The following HERC3 variants were observed in gnomAD, a reference collection of about 807,000 sequenced individuals.
HERC3 encodes HECT and RLD domain containing E3 ubiquitin protein ligase 3.
In HERC3, 58 loss-of-function variants were observed where a neutral mutation model predicts 129.9. The ratio of observed to expected loss-of-function variants is 0.45; its 90% CI spans 0.36 to 0.56. The LOEUF (loss-of-function observed/expected upper bound fraction) is 0.56. Among genes scored for constraint, HERC3 ranks in the 20% least tolerant of loss-of-function variants. The pLI is 0.00. For synonymous variants in HERC3, 430 were observed against 451.0 expected (o/e 0.95, Z 0.59); for missense variants, 835 against 1,244.2 (o/e 0.67, Z 4.95).
At chr4:88,595,942 G>T (rs892101872) in intron 2 of HERC3, among the ~76,000 whole-genome samples, 2 of 144,720 alleles carry the variant, frequency 1.4e-5, no homozygotes, top group Non-Finnish European at 3.0e-5. Flanking sequence ...TCCGCCCCCC[G>T]GGGTTCATGC....
At chr4:88,648,456 C>T (rs1728927216) in intron 3 of HERC3, among the ~76,000 whole-genome samples, 1 of 152,182 alleles carries the variant, frequency 6.6e-6, no homozygotes, top group Non-Finnish European at 1.5e-5. Flanking sequence ...TCATTCACAG[C>T]TGGTGTATGG....
chr4:88,560,151 G>A, the HERC3 span, among the ~76,000 whole-genome samples: 1 of 151,920 alleles, frequency 6.6e-6, no homozygotes, highest in Admixed American at 6.6e-5. Flanking sequence ...GCAGAGATGG[G>A]GTTTCACCAT....
At chr4:88,547,401 T>A in the HERC3 span, among the ~76,000 whole-genome samples, 41 of 152,320 alleles carry the variant, frequency 2.7e-4, no homozygotes, top group African/African-American at 8.9e-4. Context: ...ATGTAAAATT[T>A]AATGGTTTTT....
chr4:88,576,868 C>T, the HERC3 span, among the ~76,000 whole-genome samples: 1 of 152,162 alleles, frequency 6.6e-6, no homozygotes, highest in Non-Finnish European at 1.5e-5. Context: ...CGCTTACAGA[C>T]TCCTTCCCCT....
chr4:88,705,786 G>C (rs986622429), intron 25 of HERC3, among the ~76,000 whole-genome samples: 1 of 152,188 alleles, frequency 6.6e-6, no homozygotes, highest in African/African-American at 2.4e-5. Context: ...AGTCTATTTT[G>C]CTTTATAAGA....
chr4:88,662,107 C>T (rs1730552488), intron 10 of HERC3, among the ~76,000 whole-genome samples: 1 of 152,134 alleles, frequency 6.6e-6, no homozygotes. Context: ...ACAGAGGCCT[C>T]AGCCAGTCCC....
the HERC3 span, among the ~76,000 whole-genome samples, chr4:88,561,238 C>G: frequency 1.4e-4 from 22 of 152,008 alleles, no homozygotes; most frequent in African/African-American, 4.8e-4. Context: ...TTCTAATTGC[C>G]TCAATATTGC....
the HERC3 span, among the ~76,000 whole-genome samples, chr4:88,564,990 T>C: frequency 6.6e-6 from 1 of 152,158 alleles, no homozygotes; most frequent in Non-Finnish European, 1.5e-5. Context: ...AATATGCTTC[T>C]GGTCATTCAG....
At chr4:88,682,993 T>G (rs573059249) in intron 21 of HERC3, among the ~76,000 whole-genome samples, 1 of 152,366 alleles carries the variant, frequency 6.6e-6, no homozygotes, top group African/African-American at 2.4e-5. Context: ...TGTTGTTTCA[T>G]GACTTTTTAA....
intron 3 of HERC3, among the ~76,000 whole-genome samples, chr4:88,631,952 C>T (rs957740737): frequency 8.5e-5 from 13 of 152,160 alleles, no homozygotes; most frequent in African/African-American, 3.1e-4. Context: ...CAAATAGTGG[C>T]AGGCACATTG....
chr4:88,579,203 G>A, the HERC3 span, among the ~76,000 whole-genome samples: 1 of 143,084 alleles, frequency 7.0e-6, no homozygotes, highest in Non-Finnish European at 1.5e-5. Context: ...CCAACGTGGT[G>A]AAACCCTGTC....
chr4:88,579,232 A>ATATAT, the HERC3 span, among the ~76,000 whole-genome samples: 2 of 104,094 alleles, frequency 1.9e-5, no homozygotes, highest in Non-Finnish European at 3.5e-5. Context: ...AAAAAAAAAA[A>ATATAT]ATATATATAT....
At position 88,707,408 on chromosome 4, in the gene HERC3, G is replaced by A. The variant is rs2924349; in HGVS notation, c.*448G>A. 0.084 allele frequency: 13,553 copies of A among 160,900 alleles called. 1,059 individuals are homozygous for A. The highest frequency in any genetic ancestry group is 0.32 in the South Asian group (1,889 of 5,838). 10.0% of individuals were successfully genotyped at this position (160,900 alleles called of 1,614,324 possible). A position where few individuals can be genotyped will look rare whatever the true frequency, so the allele number is the denominator to read the frequency against. On this transcript the variant is annotated 3_prime_UTR_variant, in exon 26 of 26. Coordinates refer to ENST00000402738, the MANE Select transcript of HERC3 (RefSeq NM_014606.3). Reference sequence around the variant, plus strand: ...CCTGTCCTTTTTTATCTGCGCATGCGAGAACATCACCTTCCTCTGTACACT... The same window carrying A: ...CCTGTCCTTTTTTATCTGCGCATGCAAGAACATCACCTTCCTCTGTACACT...
At chr4:88,624,804 A>G (rs1725909249) in intron 3 of HERC3, among the ~76,000 whole-genome samples, 1 of 152,098 alleles carries the variant, frequency 6.6e-6, no homozygotes. Flanking sequence ...TTGTTTTCCT[A>G]AGTTTTCTTC....
chr4:88,625,864 GA>G (rs1402757110), intron 3 of HERC3, among the ~76,000 whole-genome samples: 4 of 152,022 alleles, frequency 2.6e-5, no homozygotes, highest in Admixed American at 1.3e-4. Context: ...AATTTGTGTT[GA>G]TTTTTTTCAA....
chr4:88,586,239 G>A, the HERC3 span, among the ~76,000 whole-genome samples: 1 of 151,732 alleles, frequency 6.6e-6, no homozygotes, highest in Non-Finnish European at 1.5e-5. Flanking sequence ...CCATGCAATT[G>A]TTTAAAATGA....
At chr4:88,674,175 G>T (rs1418578601) in intron 16 of HERC3, among the ~76,000 whole-genome samples, 1 of 152,112 alleles carries the variant, frequency 6.6e-6, no homozygotes, top group Non-Finnish European at 1.5e-5. Context: ...TGCTTAGAGG[G>T]ACTACAAGCT....
chr4:88,704,474 GA>G, intron 24 of HERC3, 33 bp from the exon 25 acceptor site: 2 of 1,426,090 alleles, frequency 1.4e-6, no homozygotes, highest in Non-Finnish European at 2.0e-6. Flanking sequence ...ATTCTTCCAA[GA>G]TACATTTTTT....
intron 3 of HERC3, among the ~76,000 whole-genome samples, chr4:88,622,374 A>G (rs1392751352): frequency 1.3e-5 from 2 of 152,166 alleles, no homozygotes; most frequent in Non-Finnish European, 1.5e-5. Context: ...TTTTGTTTAT[A>G]CTTTTATCAG....
Sources: allele counts gnomAD v4.1 joint callset (sites outside exome capture counted in the v4.1 genomes callset), GRCh38; gene constraint gnomAD v4.1.1; transcripts MANE v1.5; gene names NCBI Gene and HGNC (gene_info 2026-07-23, HGNC 2026-07-21).